LRP1B: variants seen among roughly 807,000 people sequenced by gnomAD.
The protein encoded by LRP1B is LDL receptor related protein 1B.
A neutral mutation model predicts 556.6 loss-of-function variants in LRP1B; 217 were observed. That is an observed-to-expected ratio of 0.39 (90% CI 0.35 to 0.44). The LOEUF (loss-of-function observed/expected upper bound fraction) is 0.44, where lower values mean the gene tolerates loss of function less well. Among genes scored for constraint, LRP1B ranks in the 20% least tolerant of loss-of-function variants. The pLI is 1.00. For missense variants in LRP1B, 5,053 were observed against 5,620.8 expected (o/e 0.90, Z 3.23); for synonymous variants, 2,047 against 1,865.8 (o/e 1.10, Z -2.50).
chr2:141,879,958 T>A (rs187634539), intron 1 of LRP1B, among the ~76,000 whole-genome samples: 3 of 132,420 alleles, frequency 2.3e-5, no homozygotes, highest in South Asian at 4.7e-4. Context: ...TATGAACACA[T>A]TTCTTTTAAG....
chr2:140,976,384 C>CA (rs1696599286), intron 18 of LRP1B, among the ~76,000 whole-genome samples: 1 of 150,128 alleles, frequency 6.7e-6, no homozygotes, highest in Admixed American at 6.7e-5. Context: ...GTACAAGAGA[C>CA]AAAATCCTAC....
chr2:141,535,234 C>G (rs1256088503), intron 2 of LRP1B, among the ~76,000 whole-genome samples: 2 of 152,148 alleles, frequency 1.3e-5, no homozygotes, highest in African/African-American at 4.8e-5. Context: ...CAAATGGGTT[C>G]ATGTTTTCTA....
In LRP1B at chr2:140,766,769, C is replaced by T. The variant is rs535780961; in HGVS notation, c.5758+2444G>A. Among the ~76,000 whole-genome samples the T allele has an allele frequency of 2.8e-5, 4 of 144,046 alleles. No individual in the cohort carries two copies. The East Asian group carries it at 8.1e-4, about 29-fold the overall frequency. The allele number at this position is 144,046 out of a possible 152,430, so 94.5% of individuals were successfully genotyped here. On this transcript the variant is annotated intron_variant, in intron 35 of 90. Coordinates refer to ENST00000389484, the MANE Select transcript of LRP1B (RefSeq NM_018557.3). ...AATATCAGTTGAGAGAACAGTAAAG[C>T]CAAATCCTAGCTAATTAGAAATTTA...
intron 1 of LRP1B, among the ~76,000 whole-genome samples, chr2:141,898,791 T>G (rs1449608613): frequency 6.6e-6 from 1 of 152,252 alleles, no homozygotes; most frequent in Non-Finnish European, 1.5e-5. Flanking sequence ...GTCATCACTA[T>G]AAAGCCCTTT....
At chr2:141,110,676 T>A (rs1700728381) in intron 7 of LRP1B, among the ~76,000 whole-genome samples, 1 of 151,852 alleles carries the variant, frequency 6.6e-6, no homozygotes, top group African/African-American at 2.4e-5. Flanking sequence ...GTCTTTTCCA[T>A]CTTGTTCATG....
At chr2:140,245,696 G>A (rs1015632006) in intron 87 of LRP1B, among the ~76,000 whole-genome samples, 3 of 151,218 alleles carry the variant, frequency 2.0e-5, no homozygotes, top group South Asian at 4.2e-4. Context: ...GCATTAGTTT[G>A]AGCCCTAAAT....
chr2:140,454,995 T>C (rs149787097), intron 62 of LRP1B, among the ~76,000 whole-genome samples: 1 of 152,324 alleles, frequency 6.6e-6, no homozygotes, highest in East Asian at 1.9e-4. Flanking sequence ...ATATGTATGA[T>C]CATTCCAAAG....
At chr2:141,052,449 C>T (rs1036005325) in intron 10 of LRP1B, among the ~76,000 whole-genome samples, 6 of 151,868 alleles carry the variant, frequency 4.0e-5, no homozygotes, top group African/African-American at 1.5e-4. Flanking sequence ...CATAATATTT[C>T]CTACTAGAGA....
At chr2:141,423,206 G>T (rs1416046996) in intron 3 of LRP1B, among the ~76,000 whole-genome samples, 1 of 150,674 alleles carries the variant, frequency 6.6e-6, no homozygotes, top group African/African-American at 2.4e-5. Flanking sequence ...CACATGTATT[G>T]CATTGGCTGA....
intron 1 of LRP1B, among the ~76,000 whole-genome samples, chr2:141,819,418 A>G (rs1273570353): frequency 1.3e-5 from 2 of 152,280 alleles, no homozygotes; most frequent in African/African-American, 4.8e-5. Context: ...CTGTCTTAAG[A>G]CTTCACGTTT....
intron 2 of LRP1B, among the ~76,000 whole-genome samples, chr2:141,802,295 A>T (rs994531259): frequency 6.6e-6 from 1 of 152,064 alleles, no homozygotes. Context: ...TTCCCTCCCA[A>T]GGTATCTTTC....
At chr2:141,449,577 G>A (rs937798338) in intron 3 of LRP1B, among the ~76,000 whole-genome samples, 6 of 151,994 alleles carry the variant, frequency 3.9e-5, no homozygotes, top group Admixed American at 6.5e-5. Flanking sequence ...TTGACTACAA[G>A]GGTCAGAGGA....
At chr2:140,950,002 G>A (rs1242493677) in intron 20 of LRP1B, among the ~76,000 whole-genome samples, 2 of 149,732 alleles carry the variant, frequency 1.3e-5, no homozygotes, top group Non-Finnish European at 3.0e-5. Context: ...GTAAATGTAG[G>A]AAACAAAGAC....
At chr2:141,139,488 A>C (rs1010150304) in intron 7 of LRP1B, among the ~76,000 whole-genome samples, 3 of 151,808 alleles carry the variant, frequency 2.0e-5, no homozygotes, top group African/African-American at 2.4e-5. Context: ...TATAAAGAAC[A>C]CTCAAAACCC....
intron 2 of LRP1B, among the ~76,000 whole-genome samples, chr2:141,715,273 G>A (rs1692537553): frequency 6.6e-6 from 1 of 151,974 alleles, no homozygotes; most frequent in South Asian, 2.1e-4. Context: ...TTCGACACCA[G>A]CCTGGGCAAT....
At chr2:141,170,115 A>G (rs772641005) in intron 7 of LRP1B, among the ~76,000 whole-genome samples, 2 of 152,090 alleles carry the variant, frequency 1.3e-5, no homozygotes, top group Non-Finnish European at 2.9e-5. Flanking sequence ...TAGATATGAT[A>G]ACAAACTCAC....
chr2:142,130,086 C>T (rs1707796514), intron 1 of LRP1B, among the ~76,000 whole-genome samples: 1 of 152,128 alleles, frequency 6.6e-6, no homozygotes, highest in South Asian at 2.1e-4. Context: ...CGCCCGGAAT[C>T]GTCCTAAAAG....
chr2:141,828,540 C>T (rs886431311), intron 1 of LRP1B, among the ~76,000 whole-genome samples: 1 of 152,076 alleles, frequency 6.6e-6, no homozygotes, highest in Non-Finnish European at 1.5e-5. Context: ...TATTCTCAAG[C>T]GAGCTGACTC....
intron 20 of LRP1B, among the ~76,000 whole-genome samples, chr2:140,949,959 A>G (rs1382444217): frequency 8.0e-5 from 7 of 87,028 alleles, no homozygotes; most frequent in Non-Finnish European, 1.1e-4. Flanking sequence ...AAAAAAAAAA[A>G]AAAAAGAAAA....
Sources: gnomAD v4.1 joint callset for allele counts (sites outside exome capture counted in the v4.1 genomes callset) on GRCh38, gnomAD v4.1.1 for gene constraint, MANE v1.5 for transcripts, NCBI Gene and HGNC (gene_info 2026-07-23, HGNC 2026-07-21) for gene names.